The following KMT2B variants were observed in gnomAD, a reference collection of about 807,000 sequenced individuals.
KMT2B encodes the protein histone-lysine N-methyltransferase 2B.
In KMT2B, 22 loss-of-function variants were observed where a neutral mutation model predicts 255.3. That is an observed-to-expected ratio of 0.09 (90% CI 0.06 to 0.12). The LOEUF (loss-of-function observed/expected upper bound fraction) is 0.12. Ranked by LOEUF, KMT2B falls within the 10% of genes least tolerant of loss-of-function variation. KMT2B has a pLI of 1.00. For synonymous variants in KMT2B, 1,730 were observed against 1,498.1 expected, an observed-to-expected ratio of 1.15 and a Z score of -3.57; for missense variants, 3,149 against 3,737.0, an observed-to-expected ratio of 0.84 and a Z score of 4.10.
chr19:35,722,697 C>T lies in KMT2B; in HGVS notation c.2701C>T (p.Arg901Trp), dbSNP rs754201347. ...CCTCAGTGCCCTCCCTCTCCGGGAT[C>T]GGCAGGACCTCGCCACAGAGGGTAG... ...PRLSALPLRD[R>W]QDLATEDTSS... is the part of the protein sequence containing the mutation. The change falls in exon 5 of 37, where the codon CGG becomes TGG. Residue 901 changes from arginine to tryptophan, a missense_variant. By Grantham distance (101) the Arg-to-Trp change is moderately radical. Coordinates refer to ENST00000420124, the MANE Select transcript of KMT2B (RefSeq NM_014727.3). The T allele has an allele frequency of 3.7e-6, 6 of 1,605,820 alleles. No homozygotes were observed. Among genetic ancestry groups the T allele is most frequent in the Admixed American group, 1.7e-5 (1 of 59,192 alleles).
Position 35,733,783 on chromosome 19 carries a change from C to G in KMT2B, c.7070C>G (p.Pro2357Arg). 1 of 1,613,678 alleles carries G rather than the reference C, an allele frequency of 6.2e-7. No homozygotes were observed. The highest frequency in any genetic ancestry group is 8.5e-7 in the Non-Finnish European group (1 of 1,179,682). The stretch of plus-strand genomic sequence containing the variant: ...CGCAGGCCCCTCCAGGAACGGTCCC[C>G]TTTGCTGCCACTTCCGGAAGATGGT... ...ESPGPLQERS[P>R]LLPLPEDGPP... Residue 2357 changes from proline to arginine, a missense_variant, in exon 30 of 37, where the codon CCT (proline) becomes CGT (arginine). Pro to Arg is a moderately radical substitution (Grantham distance 103). This residue lies in a region of KMT2B where 897 missense variants were observed against 825.3 expected (regional missense o/e 1.09). Coordinates refer to ENST00000420124, the MANE Select transcript of KMT2B (RefSeq NM_014727.3). The surrounding 1 kb of genome is among the most constrained non-coding windows in gnomAD (Gnocchi z 4.3).
chr19:35,723,242 T>C lies in KMT2B; in HGVS notation c.2970T>C (p.Phe990=). 1.2e-6 allele frequency: 2 copies of C among 1,613,232 alleles called. No homozygotes were observed. Among genetic ancestry groups the C allele is most frequent in the Non-Finnish European group, 8.5e-7 (1 of 1,179,818 alleles). ...TCAACTGCCTAGACAAGCCCAAGTT[T>C]GGGGGCCCTAACACCAAGAAGCAGT... ...SCVNCLDKPK[F]GGPNTKKQCC... Residue 990 remains phenylalanine (F), a synonymous_variant, in exon 6 of 37, where the codon TTT becomes TTC. Coordinates refer to ENST00000420124, the MANE Select transcript of KMT2B (RefSeq NM_014727.3). This position sits in a 1 kb window ranked among gnomAD's most constrained non-coding sequence, Gnocchi z 7.5.
intron 14 of KMT2B, among the ~76,000 whole-genome samples, 173 bp from the exon 15 acceptor site, chr19:35,726,983 C>CAAA (rs34515466): frequency 1.1e-4 from 7 of 62,820 alleles, no homozygotes; most frequent in Admixed American, 1.8e-4. Context: ...GACACTGTCT[C>CAAA]AAAAAAAAAA....
Position 35,724,886 on chromosome 19 carries a change from G to C in KMT2B, c.3430-103G>C. On this transcript the variant is annotated intron_variant, in intron 9 of 36. Transcript: ENST00000420124. ...CCTGTCTGGAAAGCAAAGGGGTCTG[G>C]ATCAGGGTCTGGGTCCAGTAGGCTG... 9 of 1,144,108 alleles carry C rather than the reference G, an allele frequency of 7.9e-6. No homozygotes were observed. The South Asian group carries it at 1.2e-4, about 15-fold the overall frequency. 70.9% of individuals were successfully genotyped at this position (1,144,108 alleles called of 1,614,324 possible).
At chr19:35,734,341 C>T (rs886908818) in intron 30 of KMT2B, among the ~76,000 whole-genome samples, 3 of 152,084 alleles carry the variant, frequency 2.0e-5, no homozygotes, top group African/African-American at 7.2e-5. Context: ...TGGAGTCTAG[C>T]GTTGGTGTCC....
rs374554860 is a variant in KMT2B at position 35,720,851 on chromosome 19, G to A, written c.1504G>A (p.Ala502Thr). 1.5e-4 allele frequency: 230 copies of A among 1,571,118 alleles called. 1 individual carries two copies. The highest frequency in any genetic ancestry group is 9.8e-4 in the Admixed American group (54 of 55,110). The change falls in exon 3 of 37, where the codon GCC becomes ACC. Residue 502 changes from alanine to threonine, a missense_variant. Coordinates refer to ENST00000420124, the MANE Select transcript of KMT2B (RefSeq NM_014727.3). ...TCCTCCCACTCCAACCCCCAGCACC[G>A]CCACGGGAGGCCCTCCGGAAGACAG... ...TSPPTPTPST[A>T]TGGPPEDSPT...
At chr19:35,722,911 G>T (rs573596049) in intron 5 of KMT2B, 84 bp from the exon 6 acceptor site, 1 of 1,453,328 alleles carries the variant, frequency 6.9e-7, no homozygotes, top group East Asian at 2.5e-5. Context: ...GAAAGCGAGA[G>T]CCAGGTTGTG....
chr19:35,730,309 G>GCAGCCACCT (rs1478223898), intron 23 of KMT2B, 33 bp from the exon 24 acceptor site: 1 of 1,607,778 alleles, frequency 6.2e-7, no homozygotes, highest in Non-Finnish European at 8.5e-7. Context: ...CCCCACCAAT[G>GCAGCCACCT]CAGCCACCTC....
chr19:35,728,289 G>A (rs894949660), intron 19 of KMT2B, 118 bp downstream of exon 19: 2 of 889,344 alleles, frequency 2.2e-6, no homozygotes, highest in Non-Finnish European at 1.7e-6. Context: ...CAGAGCTGGA[G>A]AGGAGGGTGG....
rs564548918 is a variant in KMT2B at position 35,722,983 on chromosome 19, C to T, written c.2723-12C>T. 1.7e-5 allele frequency: 27 copies of T among 1,550,534 alleles called. No homozygotes were observed. The highest frequency in any genetic ancestry group is 1.3e-4 in the Admixed American group (7 of 54,862). ...TGTGGCTCCATCCCCTCCTCCCTGC[C>T]TGCTGCAATAGATACATCATCGGCG... On this transcript the variant is annotated splice_polypyrimidine_tract_variant and intron_variant, in intron 5 of 36. Coordinates refer to ENST00000420124, the MANE Select transcript of KMT2B (RefSeq NM_014727.3).
intron 3 of KMT2B, among the ~76,000 whole-genome samples, chr19:35,722,122 A>T (rs1969241893): frequency 2.0e-5 from 3 of 151,364 alleles, no homozygotes; most frequent in Non-Finnish European, 4.4e-5. Flanking sequence ...CTCCTGCCTC[A>T]GTCTCTCGAG....
In KMT2B at chr19:35,721,162, G is replaced by A; in HGVS notation, c.1815G>A (p.Arg605=). The A allele has an allele frequency of 6.3e-7, 1 of 1,582,698 alleles. No homozygotes were observed. Among genetic ancestry groups the A allele is most frequent in the Non-Finnish European group, 8.6e-7 (1 of 1,165,888 alleles). The change falls in exon 3 of 37, where the codon AGG becomes AGA. Residue 605 remains arginine (R), a synonymous_variant. Coordinates refer to ENST00000420124, the MANE Select transcript of KMT2B (RefSeq NM_014727.3). ...PLPEKRRSIL[R]EPTFRWTSLT... is the part of the protein sequence containing the mutation. ...CTGAGAAGAGACGGTCCATCCTAAG[G>A]GAACCCACATTTCGCTGGACCTCAC... is the stretch of plus-strand genomic sequence containing the variant.
rs61740785 is a variant in KMT2B, at chr19:35,728,124, C to T, written c.4524C>T (p.Phe1508=). The T allele has an allele frequency of 3.6e-5, 58 of 1,599,182 alleles. No individual in the cohort carries two copies. Among genetic ancestry groups the T allele is most frequent in the Non-Finnish European group, 3.8e-5 (45 of 1,173,508 alleles). Residue 1508 remains phenylalanine (F), a synonymous_variant, in exon 19 of 37, where the codon TTC becomes TTT. Transcript: ENST00000420124. The stretch of plus-strand genomic sequence containing the variant: ...TGCTAGAATCTGCGTTCGGCTGGTT[C>T]GACGCCCACGACCCCAAGTACTGGC... ...LKLLESAFGW[F]DAHDPKYWRR...
In KMT2B at chr19:35,737,183, C is replaced by T; in HGVS notation, c.7470C>T (p.Phe2490=). 1 of 1,602,654 alleles carries T rather than the reference C, an allele frequency of 6.2e-7. No homozygotes were observed. Among genetic ancestry groups the T allele is most frequent in the Non-Finnish European group, 8.5e-7 (1 of 1,174,794 alleles). ...PGAQRCQHYK[F]RYHQQGEGQE... Reference sequence around the variant, plus strand: ...CCCAGCGTTGCCAGCACTATAAGTTCCGTTACCACCAGCAGGGAGAGGGCC... The same window carrying T: ...CCCAGCGTTGCCAGCACTATAAGTTTCGTTACCACCAGCAGGGAGAGGGCC... Residue 2490 remains phenylalanine (F), a synonymous_variant, in exon 33 of 37, where the codon TTC becomes TTT. Transcript: ENST00000420124. The surrounding 1 kb of genome is among the most constrained non-coding windows in gnomAD (Gnocchi z 5.3).
At chr19:35,730,302 C>G (rs776185565) in intron 23 of KMT2B, 40 bp from the exon 24 acceptor site, 18 of 1,607,552 alleles carry the variant, frequency 1.1e-5, no homozygotes, top group Non-Finnish European at 1.4e-5. Flanking sequence ...CCACCTCCCC[C>G]ACCAATGCAG....
chr19:35,729,514 G>A (rs1189503723), intron 22 of KMT2B, among the ~76,000 whole-genome samples: 2 of 152,220 alleles, frequency 1.3e-5, no homozygotes. Flanking sequence ...CTAAAAGTGA[G>A]AAGAGTGCCC....
chr19:35,736,730 T>A lies in KMT2B; in HGVS notation c.7200T>A (p.Asp2400Glu). The A allele has an allele frequency of 1.9e-6, 3 of 1,613,878 alleles. No homozygotes were observed. Among genetic ancestry groups the A allele is most frequent in the Non-Finnish European group, 2.5e-6 (3 of 1,179,850 alleles). Residue 2400 changes from aspartate (D) to glutamate (E), a missense_variant, in exon 31 of 37, where the codon GAT becomes GAA. Asp to Glu is a conservative substitution (Grantham distance 45). This residue lies in a region of KMT2B where 897 missense variants were observed against 825.3 expected (regional missense o/e 1.09). Transcript: ENST00000420124. ...SSSEEEPPSP[D>E]DKENQAPKRT... ...CTGAGGAAGAGCCTCCATCCCCAGA[T>A]GATAAAGAGAACCAGGCCCCAAAAC...
At chr19:35,724,452 T>C (rs867020935) in intron 8 of KMT2B, among the ~76,000 whole-genome samples, 185 bp from the exon 9 acceptor site, 2 of 152,120 alleles carry the variant, frequency 1.3e-5, no homozygotes, top group South Asian at 4.1e-4. Context: ...GGGCTATGGG[T>C]CACGCCACTG....
In KMT2B at chr19:35,732,860, G is replaced by C; in HGVS notation, c.6311G>C (p.Arg2104Pro). 1.2e-6 allele frequency: 2 copies of C among 1,609,636 alleles called. No individual in the cohort carries two copies. The highest frequency in any genetic ancestry group is 1.7e-6 in the Non-Finnish European group (2 of 1,178,598). ...GVLGAAGDRA[R>P]PPEDLPSEIV... ...CTTGGGGCTGCAGGGGACAGGGCCC[G>C]GCCTCCTGAGGACCTGCCATCGGAA... Residue 2104 changes from arginine (R) to proline (P), a missense_variant, in exon 28 of 37, where the codon CGG becomes CCG. Around this residue, in one of 18 missense-constraint regions of KMT2B, gnomAD observed 897 missense variants for 825.3 expected, o/e 1.09. Transcript: ENST00000420124.
Sources: gnomAD v4.1 joint callset for allele counts (sites outside exome capture counted in the v4.1 genomes callset) on GRCh38, gnomAD v4.1.1 for gene constraint, gnomAD v4.1.1 regional missense constraint, Gnocchi (gnomAD v3.1) non-coding constraint, MANE v1.5 for transcripts, NCBI Gene and HGNC (gene_info 2026-07-23, HGNC 2026-07-21) for gene names.